Variants in DNAH12 observed in about 807,000 individuals in gnomAD.
The protein encoded by DNAH12 is axonemal beta dynein heavy chain 12.
A neutral mutation model predicts 371.5 loss-of-function variants in DNAH12; 285 were observed. The ratio of observed to expected loss-of-function variants is 0.77; its 90% CI spans 0.70 to 0.85. The LOEUF (loss-of-function observed/expected upper bound fraction) is 0.85, where lower values mean the gene tolerates loss of function less well. Among genes scored for constraint, DNAH12 ranks in the 40% least tolerant of loss-of-function variants. The probability of loss-of-function intolerance (pLI) is 0.00; values close to 1 mark genes in which losing one functional copy is unlikely to be tolerated. For synonymous variants in DNAH12, 1,200 were observed against 1,213.0 expected, an observed-to-expected ratio of 0.99 and a Z score of 0.22; for missense variants, 3,611 against 3,689.4, an observed-to-expected ratio of 0.98 and a Z score of 0.55.
At chr3:57,523,990 G>A (rs1471229777) in intron 2 of DNAH12, 106 bp from the exon 3 acceptor site, 1 of 692,856 alleles carries the variant, frequency 1.4e-6, no homozygotes, top group Non-Finnish European at 2.1e-6. Flanking sequence ...ATATTCAAGA[G>A]TTATCTTACT....
At chr3:57,344,295 T>C (rs1328824239) in intron 60 of DNAH12, among the ~76,000 whole-genome samples, 4 of 152,180 alleles carry the variant, frequency 2.6e-5, no homozygotes, top group Non-Finnish European at 4.4e-5. Context: ...AAAATACAAA[T>C]GCTGGTGAGG....
intron 36 of DNAH12, among the ~76,000 whole-genome samples, chr3:57,420,730 A>G (rs1367866849): frequency 6.6e-6 from 1 of 151,988 alleles, no homozygotes; most frequent in East Asian, 1.9e-4. Context: ...TAACACGGTG[A>G]AACCCCGTCT....
chr3:57,320,364 T>C (rs2061778075), intron 65 of DNAH12, among the ~76,000 whole-genome samples: 1 of 152,206 alleles, frequency 6.6e-6, no homozygotes, highest in African/African-American at 2.4e-5. Flanking sequence ...CAGAAATGTA[T>C]CCCTGCCCTT....
At chr3:57,444,551 T>C in intron 29 of DNAH12, 146 bp downstream of exon 29, 1 of 1,209,400 alleles carries the variant, frequency 8.3e-7, no homozygotes, top group Non-Finnish European at 1.1e-6. Context: ...GTACCCAAAT[T>C]TACTTATTGT....
chr3:57,423,538 T>C (rs1393844836), intron 35 of DNAH12, among the ~76,000 whole-genome samples: 1 of 152,142 alleles, frequency 6.6e-6, no homozygotes, highest in African/African-American at 2.4e-5. Context: ...CAGCAGATAC[T>C]TTGGGCAGCA....
At position 57,457,720 on chromosome 3, in the gene DNAH12, C is replaced by T. The variant is rs1170621438; in HGVS notation, c.3336+1G>A. The T allele has an allele frequency of 6.5e-7, 1 of 1,547,244 alleles. No homozygotes were observed. Among genetic ancestry groups the T allele is most frequent in the South Asian group, 1.2e-5 (1 of 83,948 alleles). On this transcript the variant is annotated splice_donor_variant, in intron 22 of 73. Coordinates refer to ENST00000495027, the MANE Select transcript of DNAH12 (RefSeq NM_001366028.2). LOFTEE classifies it high-confidence loss of function. The stretch of plus-strand genomic sequence containing the variant: ...TATATATCAAATCCTAGGAAACACA[C>T]CAGCCTGGCTGCAGCGATCACATCG...
At chr3:57,428,896 A>G (rs2064867114) in intron 33 of DNAH12, 75 bp from the exon 34 acceptor site, 1 of 1,381,728 alleles carries the variant, frequency 7.2e-7, no homozygotes, top group South Asian at 1.5e-5. Context: ...CTATTTCTTA[A>G]GATGACTTAT....
At chr3:57,491,843 A>G (rs1228404061) in intron 11 of DNAH12, among the ~76,000 whole-genome samples, 2 of 151,928 alleles carry the variant, frequency 1.3e-5, no homozygotes, top group East Asian at 3.9e-4. Flanking sequence ...CTATCTCTAC[A>G]AAAAATACAA....
At chr3:57,485,761 T>C (rs2066904774) in intron 12 of DNAH12, among the ~76,000 whole-genome samples, 1 of 152,096 alleles carries the variant, frequency 6.6e-6, no homozygotes, top group East Asian at 1.9e-4. Flanking sequence ...ATATTCTCAC[T>C]TATAAGTGGG....
intron 5 of DNAH12, among the ~76,000 whole-genome samples, chr3:57,510,049 T>C (rs1404334606): frequency 1.3e-5 from 2 of 151,894 alleles, no homozygotes; most frequent in Non-Finnish European, 2.9e-5. Context: ...TCCACACATA[T>C]TTCAAAACGT....
chr3:57,467,031 A>G (rs116559149), intron 17 of DNAH12, among the ~76,000 whole-genome samples: 3,984 of 152,206 alleles, frequency 0.026, 73 homozygotes, highest in Non-Finnish European at 0.034. Context: ...CTGGGATTAC[A>G]GGTTACAGGT....
At chr3:57,373,318 A>AT (rs36162551) in intron 55 of DNAH12, among the ~76,000 whole-genome samples, 45,819 of 144,058 alleles carry the variant, frequency 0.32, 7,457 homozygotes, top group South Asian at 0.39. Context: ...TACTCAACTG[A>AT]TTTTTTTTTT....
chr3:57,381,132 C>T (rs1200386043), intron 50 of DNAH12, among the ~76,000 whole-genome samples: 2 of 152,160 alleles, frequency 1.3e-5, no homozygotes, highest in East Asian at 1.9e-4. Context: ...GTACACATTG[C>T]TCTGCCAACC....
intron 30 of DNAH12, among the ~76,000 whole-genome samples, chr3:57,436,024 T>C (rs528002269): frequency 4.9e-4 from 74 of 152,026 alleles, no homozygotes; most frequent in African/African-American, 1.6e-3. Context: ...CCACTTCATA[T>C]GTGCCCAGAG....
intron 39 of DNAH12, 33 bp from the exon 40 acceptor site, chr3:57,408,568 C>T: frequency 1.3e-6 from 2 of 1,491,210 alleles, no homozygotes; most frequent in Non-Finnish European, 1.8e-6. Flanking sequence ...TTTAGATTAT[C>T]TGTTATAAAG....
chr3:57,370,888 T>C (rs2153336522), intron 55 of DNAH12, among the ~76,000 whole-genome samples: 1 of 152,254 alleles, frequency 6.6e-6, no homozygotes, highest in African/African-American at 2.4e-5. Context: ...CTGAGACCTT[T>C]GCATGAAGCT....
chr3:57,458,160 A>G lies in DNAH12; in HGVS notation c.2992T>C (p.Leu998=), dbSNP rs1347596029. 7 of 1,550,132 alleles carry G rather than the reference A, an allele frequency of 4.5e-6. No individual in the cohort carries two copies. Among genetic ancestry groups the G allele is most frequent in the Admixed American group, 2.0e-5 (1 of 50,664 alleles). The part of the protein sequence containing the change: ...LEKLQNCNEL[L]EKIMKGLNAY... ...TTAAGACCTTTCATAATTTTCTCCA[A>G]AAGTTCATTGCAGTTCTGTAGTTTT... Residue 998 remains leucine (L), a synonymous_variant, in exon 21 of 74, where the codon TTG becomes CTG. Coordinates refer to ENST00000495027, the MANE Select transcript of DNAH12 (RefSeq NM_001366028.2).
chr3:57,436,990 T>A lies in DNAH12; in HGVS notation c.4616A>T (p.Lys1539Ile), dbSNP rs773624496. ...CATCATTTCATATGTTTGAATTATT[T>A]TTTCAAGAAAAAATTTAACAGGCTG... ...NLQPVKFFLE[K>I]IIQTYEMMIV... The change falls in exon 30 of 74, where the codon AAA becomes ATA. Residue 1539 changes from lysine (K) to isoleucine (I), a missense_variant. Transcript: ENST00000495027. 1.3e-5 allele frequency: 19 copies of A among 1,516,976 alleles called. No homozygotes were observed. Among genetic ancestry groups the A allele is most frequent in the Non-Finnish European group, 1.5e-5 (17 of 1,138,154 alleles). The allele number at this position is 1,516,976 out of a possible 1,614,324, so 94.0% of individuals were successfully genotyped here.
chr3:57,520,038 G>A (rs1209829051), intron 4 of DNAH12: 1 of 682,034 alleles, frequency 1.5e-6, no homozygotes, highest in South Asian at 1.7e-5. Flanking sequence ...GATGGCCGAC[G>A]TTGGGTTGGG....
Sources: gnomAD v4.1 joint callset for allele counts (sites outside exome capture counted in the v4.1 genomes callset) on GRCh38, gnomAD v4.1.1 for gene constraint, MANE v1.5 for transcripts, NCBI Gene and HGNC (gene_info 2026-07-23, HGNC 2026-07-21) for gene names.